The following HTR4 variants were observed in gnomAD, a reference collection of about 807,000 sequenced individuals.
The protein encoded by HTR4 is 5-hydroxytryptamine receptor 4.
A neutral mutation model predicts 36.8 loss-of-function variants in HTR4; 16 were observed. That is an observed-to-expected ratio of 0.43 (90% CI 0.29 to 0.66). The LOEUF is 0.66. Among genes scored for constraint, HTR4 ranks in the 30% least tolerant of loss-of-function variants. The pLI, the probability that HTR4 is intolerant of heterozygous loss-of-function variation, is 0.13. For synonymous variants in HTR4, 189 were observed against 185.1 expected (o/e 1.02, Z -0.17); for missense variants, 438 against 490.9 (o/e 0.89, Z 1.02).
chr5:148,465,452 T>C (rs957891995), intron 5 of HTR4, among the ~76,000 whole-genome samples: 14 of 152,112 alleles, frequency 9.2e-5, no homozygotes, highest in Admixed American at 4.6e-4. Flanking sequence ...CACGATCAAT[T>C]GTTTAAGAAG....
At chr5:148,483,632 AAT>A (rs1755998222) in intron 6 of HTR4, among the ~76,000 whole-genome samples, 1 of 152,138 alleles carries the variant, frequency 6.6e-6, no homozygotes, top group South Asian at 2.1e-4. Flanking sequence ...GATTTTCTTT[AAT>A]AGTTCATTAT....
At chr5:148,617,502 C>T (rs1581553599) in intron 2 of HTR4, among the ~76,000 whole-genome samples, 2 of 151,464 alleles carry the variant, frequency 1.3e-5, no homozygotes, top group East Asian at 3.9e-4. Flanking sequence ...GGAGTCTTGC[C>T]CTGTCACACA....
Position 148,524,333 on chromosome 5 carries a change from G to A in HTR4, c.354-987C>T, listed in dbSNP as rs13174741. ...GGACAAACCATTTAACTGTTTCTGG[G>A]ATACTAAGAATGTAAAATTTTGAAT... On this transcript the variant is annotated intron_variant, in intron 4 of 6. Transcript: ENST00000377888. 4.6e-3 allele frequency among the ~76,000 whole-genome samples: 698 copies of A among 152,218 alleles called. 1 individual carries two copies. The highest frequency in any genetic ancestry group is 0.01 in the South Asian group (50 of 4,812).
chr5:148,636,555 G>A (rs1376731549), intron 2 of HTR4, among the ~76,000 whole-genome samples: 1 of 152,132 alleles, frequency 6.6e-6, no homozygotes, highest in African/African-American at 2.4e-5. Context: ...ACTATACCAT[G>A]CAACCATTAT....
intron 2 of HTR4, among the ~76,000 whole-genome samples, chr5:148,621,652 T>C (rs1752923374): frequency 6.6e-6 from 1 of 152,188 alleles, no homozygotes; most frequent in South Asian, 2.1e-4. Context: ...TTATCTTGCT[T>C]AAAACTGTAA....
intron 4 of HTR4, among the ~76,000 whole-genome samples, chr5:148,543,372 C>T (rs1416715344): frequency 1.3e-5 from 2 of 152,066 alleles, no homozygotes; most frequent in East Asian, 3.9e-4. Context: ...TTGTTCAAAT[C>T]CTTGTAGAGA....
At chr5:148,547,791 G>A (rs185526626) in intron 4 of HTR4, among the ~76,000 whole-genome samples, 490 of 152,118 alleles carry the variant, frequency 3.2e-3, no homozygotes, top group African/African-American at 0.011. Flanking sequence ...AAGACTGGAG[G>A]AAAACTTGGG....
At chr5:148,531,719 A>T (rs917856876) in intron 4 of HTR4, among the ~76,000 whole-genome samples, 1 of 152,176 alleles carries the variant, frequency 6.6e-6, no homozygotes, top group South Asian at 2.1e-4. Flanking sequence ...AATTTTCGGT[A>T]ACTTGTAGTT....
chr5:148,481,961 C>T lies in HTR4; in HGVS notation c.*1242G>A, dbSNP rs200752129. 59 of 1,058,798 alleles carry T rather than the reference C, an allele frequency of 5.6e-5. 1 individual carries two copies. In the South Asian group the frequency reaches 1.5e-3, roughly 28 times the overall value. The allele number at this position is 1,058,798 out of a possible 1,614,324, so 65.6% of individuals were successfully genotyped here. A position where few individuals can be genotyped will look rare whatever the true frequency, so the allele number is the denominator to read the frequency against. On this transcript the variant is annotated 3_prime_UTR_variant, in exon 7 of 7. Transcript: ENST00000377888. ...GGCCATGGCTTCTCGAGGTAGCAGA[C>T]GGCTATAGCAGCATACTGTTGTCTT...
rs573341033 is a variant in HTR4, at chr5:148,589,550, G to A, written c.27-39288C>T. 6.6e-5 allele frequency among the ~76,000 whole-genome samples: 10 copies of A among 152,084 alleles called. No homozygotes were observed. The East Asian group carries it at 1.7e-3, about 26-fold the overall frequency. ...TCTCATTTTCTGGTTGGGTTGTTTG[G>A]TGTTTTCTCTTAGTGTTTTGTAAGA... On this transcript the variant is annotated intron_variant, in intron 2 of 6. Transcript: ENST00000377888.
At position 148,509,964 on chromosome 5, in the gene HTR4, T is replaced by C. The variant is rs767546160; in HGVS notation, c.568A>G (p.Lys190Glu). The C allele has an allele frequency of 4.3e-6, 7 of 1,613,908 alleles. No individual in the cohort carries two copies. Among genetic ancestry groups the C allele is most frequent in the Non-Finnish European group, 5.9e-6 (7 of 1,179,950 alleles). ...NSTYCVFMVN[K>E]PYAITCSVVA... ...ACAGAGCAGGTGATGGCGTAGGGCT[T>C]GTTGACCATGAAGACACAGTACGTA... is the stretch of plus-strand genomic sequence containing the variant. Residue 190 changes from lysine to glutamate, a missense_variant, in exon 6 of 7, where the codon AAG becomes GAG. Transcript: ENST00000377888.
chr5:148,637,146 A>G, intron 1 of HTR4, 85 bp from the exon 2 acceptor site: 1 of 812,438 alleles, frequency 1.2e-6, no homozygotes, highest in Non-Finnish European at 2.0e-6. Flanking sequence ...TCAAATAACT[A>G]TTGCTTCCTA....
chr5:148,497,909 A>AT (rs1179327488), intron 6 of HTR4, among the ~76,000 whole-genome samples: 1 of 152,228 alleles, frequency 6.6e-6, no homozygotes, highest in Non-Finnish European at 1.5e-5. Context: ...TATGTAACCT[A>AT]TATGTCTAGA....
intron 6 of HTR4, among the ~76,000 whole-genome samples, chr5:148,498,802 C>T (rs143962277): frequency 0.014 from 2,203 of 152,126 alleles, 27 homozygotes; most frequent in Middle Eastern, 0.048. Flanking sequence ...GAATAATCAA[C>T]GGGTACCCAA....
intron 4 of HTR4, among the ~76,000 whole-genome samples, chr5:148,539,633 C>T (rs926410728): frequency 6.6e-6 from 1 of 152,174 alleles, no homozygotes; most frequent in Non-Finnish European, 1.5e-5. Context: ...CTCAATATCA[C>T]TGATCGTTAA....
In HTR4 at chr5:148,482,337, T is replaced by A. The variant is rs1755925147; in HGVS notation, c.*866A>T. 1.0e-6 allele frequency: 1 copy of A among 985,388 alleles called. No homozygotes were observed. The highest frequency in any genetic ancestry group is 1.7e-5 in the African/African-American group (1 of 57,246). The allele number at this position is 985,388 out of a possible 1,614,324, so 61.0% of individuals were successfully genotyped here. On this transcript the variant is annotated 3_prime_UTR_variant, in exon 7 of 7. Coordinates refer to ENST00000377888, the MANE Select transcript of HTR4 (RefSeq NM_000870.7). ...CCTGAAGCCTAATAAACACCTACGA[T>A]GTTGCTAGCCCTGCCCAAGGCTTTT...
chr5:148,650,430 G>C (rs908706530), intron 1 of HTR4, among the ~76,000 whole-genome samples: 6 of 152,194 alleles, frequency 3.9e-5, no homozygotes, highest in African/African-American at 1.4e-4. Context: ...CTATGAATAA[G>C]TCTATTTGGT....
At chr5:148,566,616 T>G (rs1372535532) in intron 2 of HTR4, among the ~76,000 whole-genome samples, 1 of 152,184 alleles carries the variant, frequency 6.6e-6, no homozygotes, top group South Asian at 2.1e-4. Context: ...AGTTAACTAA[T>G]TTAGAGATTA....
At chr5:148,471,232 T>C (rs2113704053) in intron 5 of HTR4, among the ~76,000 whole-genome samples, 1 of 152,316 alleles carries the variant, frequency 6.6e-6, no homozygotes, top group East Asian at 1.9e-4. Context: ...TAGTTTCTCC[T>C]CTTGGAACAG....
Sources: allele counts gnomAD v4.1 joint callset (sites outside exome capture counted in the v4.1 genomes callset), GRCh38; gene constraint gnomAD v4.1.1; transcripts MANE v1.5; gene names NCBI Gene and HGNC (gene_info 2026-07-23, HGNC 2026-07-21).